The following DCC variants were observed in gnomAD, a reference collection of about 807,000 sequenced individuals.
The protein encoded by DCC is DCC netrin 1 receptor.
In DCC, 58 loss-of-function variants were observed where a neutral mutation model predicts 172.5. That is an observed-to-expected ratio of 0.34 (90% CI 0.27 to 0.42). The LOEUF is 0.42. Among genes scored for constraint, DCC ranks in the 10% least tolerant of loss-of-function variants. The pLI is 1.00. For missense variants in DCC, 1,740 were observed against 1,791.0 expected (o/e 0.97, Z 0.51); for synonymous variants, 709 against 644.5 (o/e 1.10, Z -1.52).
chr18:53,036,669 G>A (rs1257294092), intron 5 of DCC, among the ~76,000 whole-genome samples: 2 of 151,986 alleles, frequency 1.3e-5, no homozygotes, highest in Non-Finnish European at 2.9e-5. Flanking sequence ...GCTTAGATAG[G>A]TAGCATAGGT....
At chr18:53,367,003 C>T (rs1425473291) in intron 15 of DCC, among the ~76,000 whole-genome samples, 1 of 152,106 alleles carries the variant, frequency 6.6e-6, no homozygotes, top group Non-Finnish European at 1.5e-5. Flanking sequence ...TTTGGTGTTT[C>T]TTTATTGTCA....
intron 1 of DCC, among the ~76,000 whole-genome samples, chr18:52,613,983 T>A (rs755683051): frequency 3.6e-4 from 55 of 152,148 alleles, no homozygotes; most frequent in Non-Finnish European, 6.8e-4. Flanking sequence ...TGTGTTGGTG[T>A]TTGTGCCGGG....
chr18:52,595,345 C>T (rs544248170), intron 1 of DCC, among the ~76,000 whole-genome samples: 6 of 152,228 alleles, frequency 3.9e-5, no homozygotes, highest in Admixed American at 2.6e-4. Flanking sequence ...TTAGTCTTTG[C>T]GTGAAAGAAC....
intron 1 of DCC, among the ~76,000 whole-genome samples, chr18:52,550,027 T>C (rs984779852): frequency 6.6e-6 from 1 of 151,950 alleles, no homozygotes. Flanking sequence ...AGGACACACA[T>C]CACCTTAGCC....
Position 53,061,790 on chromosome 18 carries a change from G to C in DCC, c.986-1515G>C, listed in dbSNP as rs1405058371. Among the ~76,000 whole-genome samples the C allele has an allele frequency of 2.0e-5, 3 of 152,092 alleles. No individual in the cohort carries two copies. In the East Asian group the frequency reaches 5.8e-4, roughly 29 times the overall value. On this transcript the variant is annotated intron_variant, in intron 5 of 28. Coordinates refer to ENST00000442544, the MANE Select transcript of DCC (RefSeq NM_005215.4). ...GTACTTCAATCTCTCCATTTGTAAA[G>C]TGGGGATAATAGAACCTGCTTCAGG...
intron 27 of DCC, among the ~76,000 whole-genome samples, chr18:53,514,267 C>A (rs953688509): frequency 6.6e-6 from 1 of 151,842 alleles, no homozygotes; most frequent in Non-Finnish European, 1.5e-5. Context: ...AACAAAGACA[C>A]AACATACCAG....
chr18:52,865,154 C>A (rs2039203407), intron 2 of DCC, among the ~76,000 whole-genome samples: 1 of 152,126 alleles, frequency 6.6e-6, no homozygotes, highest in Admixed American at 6.5e-5. Flanking sequence ...TGTGAGCCAC[C>A]ACACCCGCCT....
In DCC at chr18:52,752,187, G is replaced by C. The variant is rs1469635869; in HGVS notation, c.225G>C (p.Lys75Asn). The change falls in exon 2 of 29, where the codon AAG (lysine) becomes AAC (asparagine). Residue 75 changes from lysine to asparagine, a missense_variant. Coordinates refer to ENST00000442544, the MANE Select transcript of DCC (RefSeq NM_005215.4). ...SDRGVPVIKW[K>N]KDGIHLALGM... ...GAGGAGTTCCAGTGATCAAGTGGAAGAAAGATGGCATTCATCTGGCCTTGG... is the reference window on the plus strand; with the variant it reads ...GAGGAGTTCCAGTGATCAAGTGGAACAAAGATGGCATTCATCTGGCCTTGG... 5 of 1,614,056 alleles carry C rather than the reference G, an allele frequency of 3.1e-6. No homozygotes were observed. The Admixed American group carries it at 6.7e-5, about 22-fold the overall frequency.
At chr18:53,276,019 C>T (rs1208339463) in intron 12 of DCC, among the ~76,000 whole-genome samples, 1 of 152,060 alleles carries the variant, frequency 6.6e-6, no homozygotes, top group African/African-American at 2.4e-5. Flanking sequence ...TTATTCATTT[C>T]ATTAATTAAT....
chr18:52,776,511 G>A (rs2037435814), intron 2 of DCC, among the ~76,000 whole-genome samples: 1 of 152,072 alleles, frequency 6.6e-6, no homozygotes. Flanking sequence ...CGGGTAGCAA[G>A]AAAACCAGAA....
intron 7 of DCC, among the ~76,000 whole-genome samples, chr18:53,101,195 C>T (rs9961246): frequency 7.2e-5 from 11 of 151,990 alleles, no homozygotes; most frequent in Non-Finnish European, 1.5e-4. Context: ...GGCCCAAGGT[C>T]GATTGTGAAC....
chr18:52,958,515 G>T (rs2040784719), intron 5 of DCC, among the ~76,000 whole-genome samples: 1 of 152,074 alleles, frequency 6.6e-6, no homozygotes, highest in Non-Finnish European at 1.5e-5. Flanking sequence ...TAAGACACAG[G>T]TTGGTATTAG....
intron 22 of DCC, among the ~76,000 whole-genome samples, chr18:53,446,994 ATTAG>A (rs1308931725): frequency 6.6e-6 from 1 of 152,226 alleles, no homozygotes; most frequent in East Asian, 1.9e-4. Flanking sequence ...TTGCTCAGGC[ATTAG>A]TTATAGTGCT....
chr18:52,931,793 A>G (rs2145503623), intron 5 of DCC: 1 of 152,200 alleles, frequency 6.6e-6, no homozygotes, highest in East Asian at 1.9e-4. Context: ...TACAGTAATC[A>G]TCGATAAAGT....
chr18:53,200,470 A>C (rs1164395938), intron 9 of DCC, among the ~76,000 whole-genome samples: 1 of 152,156 alleles, frequency 6.6e-6, no homozygotes, highest in East Asian at 1.9e-4. Context: ...TCTATGTAGC[A>C]ACATTGTGCA....
At chr18:52,683,606 C>T (rs189741391) in intron 1 of DCC, among the ~76,000 whole-genome samples, 1 of 152,172 alleles carries the variant, frequency 6.6e-6, no homozygotes, top group African/African-American at 2.4e-5. Flanking sequence ...AACTAAGTGT[C>T]CAGATCCATT....
chr18:52,938,656 C>G (rs1316962688), intron 5 of DCC, among the ~76,000 whole-genome samples: 1 of 152,036 alleles, frequency 6.6e-6, no homozygotes, highest in Non-Finnish European at 1.5e-5. Flanking sequence ...ATATTAATCA[C>G]TCACATATAT....
chr18:52,938,132 T>C (rs545319843), intron 5 of DCC, among the ~76,000 whole-genome samples: 4 of 152,264 alleles, frequency 2.6e-5, no homozygotes, highest in Admixed American at 2.6e-4. Context: ...ATTCAGATCA[T>C]GTGTCATAAG....
At chr18:52,577,544 T>C (rs1296531707) in intron 1 of DCC, among the ~76,000 whole-genome samples, 1 of 152,242 alleles carries the variant, frequency 6.6e-6, no homozygotes, top group East Asian at 1.9e-4. Context: ...TTAACTGTCA[T>C]ATAATTGAAA....
Sources: allele counts gnomAD v4.1 joint callset (sites outside exome capture counted in the v4.1 genomes callset), GRCh38; gene constraint gnomAD v4.1.1; transcripts MANE v1.5; gene names NCBI Gene and HGNC (gene_info 2026-07-23, HGNC 2026-07-21).